ACO2: variants seen among roughly 807,000 people sequenced by gnomAD.
ACO2 encodes the protein aconitase 2, also known as aconitate hydratase, mitochondrial.
Under a neutral mutation model 84.5 loss-of-function variants are expected in ACO2, and 31 were observed. That is an observed-to-expected ratio of 0.37 (90% CI 0.28 to 0.50). The LOEUF (loss-of-function observed/expected upper bound fraction) is 0.50, where lower values mean the gene tolerates loss of function less well. ACO2 is among the 20% of genes least tolerant of loss of function. The probability of loss-of-function intolerance (pLI) is 0.97; values close to 1 mark genes in which losing one functional copy is unlikely to be tolerated. For synonymous variants in ACO2, 414 were observed against 412.7 expected (o/e 1.00, Z -0.04); for missense variants, 685 against 1,029.3 (o/e 0.67, Z 4.58).
intron 12 of ACO2, among the ~76,000 whole-genome samples, chr22:41,524,224 A>T (rs893574267): frequency 2.6e-5 from 4 of 152,148 alleles, no homozygotes; most frequent in Admixed American, 2.0e-4. Context: ...TCGCTGTATG[A>T]GTGTGGCCAA....
At chr22:41,493,401 CTT>C (rs1408389677) in intron 1 of ACO2, among the ~76,000 whole-genome samples, 1 of 152,134 alleles carries the variant, frequency 6.6e-6, no homozygotes, top group Non-Finnish European at 1.5e-5. Context: ...ATGGCCCCCT[CTT>C]TTAACAGTTT....
At chr22:41,496,257 G>T (rs77126454) in intron 1 of ACO2, among the ~76,000 whole-genome samples, 1,766 of 152,168 alleles carry the variant, frequency 0.012, 37 homozygotes, top group African/African-American at 0.041. Context: ...AGAAGTTGCC[G>T]TGAGCTGAGA....
intron 1 of ACO2, among the ~76,000 whole-genome samples, chr22:41,479,476 G>A (rs2038061601): frequency 6.6e-6 from 1 of 152,198 alleles, no homozygotes; most frequent in Admixed American, 6.5e-5. Context: ...CTAGCACATG[G>A]ATGCAGATTT....
intron 12 of ACO2, 42 bp from the exon 13 acceptor site, chr22:41,524,804 G>A (rs1224290896): frequency 6.2e-7 from 1 of 1,613,612 alleles, no homozygotes; most frequent in African/African-American, 1.3e-5. Flanking sequence ...AGACAGGAGT[G>A]GCAATTGGTG....
chr22:41,511,037 G>A (rs1255406245), intron 3 of ACO2, among the ~76,000 whole-genome samples: 1 of 152,170 alleles, frequency 6.6e-6, no homozygotes, highest in Non-Finnish European at 1.5e-5. Flanking sequence ...GCAGGGTCTT[G>A]CCCTGTCACT....
At chr22:41,481,407 C>CT (rs1001282399) in intron 1 of ACO2, among the ~76,000 whole-genome samples, 3 of 152,238 alleles carry the variant, frequency 2.0e-5, no homozygotes, top group African/African-American at 7.2e-5. Flanking sequence ...AGCTCTGTAG[C>CT]TTGCTCTGTA....
chr22:41,484,424 A>G (rs1303391021), intron 1 of ACO2, among the ~76,000 whole-genome samples: 1 of 152,210 alleles, frequency 6.6e-6, no homozygotes, highest in South Asian at 2.1e-4. Context: ...TGGATGGGTA[A>G]TGATGATAGA....
At chr22:41,510,608 C>T (rs987891573) in intron 3 of ACO2, among the ~76,000 whole-genome samples, 2 of 152,192 alleles carry the variant, frequency 1.3e-5, no homozygotes, top group African/African-American at 4.8e-5. Flanking sequence ...CGGAGGCTGG[C>T]AGGTCCCATT....
rs1471657850 is a variant in ACO2 at position 41,515,552 on chromosome 22, A to C, written c.684+17A>C. 1 of 1,599,940 alleles carries C rather than the reference A, an allele frequency of 6.3e-7. No individual in the cohort carries two copies. The highest frequency in any genetic ancestry group is 1.3e-5 in the African/African-American group (1 of 74,300). ...TGCCCCAAGGTGAGGGTGGGGAGGG[A>C]CTCATTCTGGGCTGGCTGTGGGGTG... On this transcript the variant is annotated intron_variant, in intron 5 of 17. Coordinates refer to ENST00000216254, the MANE Select transcript of ACO2 (RefSeq NM_001098.3). The surrounding 1 kb of genome is among the most constrained non-coding windows in gnomAD (Gnocchi z 5.8).
At chr22:41,509,265 G>T (rs1771366684) in intron 3 of ACO2, among the ~76,000 whole-genome samples, 2 of 152,136 alleles carry the variant, frequency 1.3e-5, no homozygotes. Context: ...GAGATGAGAT[G>T]CACACTCATA....
chr22:41,487,058 A>T (rs960118800), intron 1 of ACO2, among the ~76,000 whole-genome samples: 2 of 151,606 alleles, frequency 1.3e-5, no homozygotes, highest in African/African-American at 4.8e-5. Context: ...TAATTTTTGT[A>T]TTTTTGATAG....
chr22:41,500,165 C>G (rs1166284358), intron 2 of ACO2, among the ~76,000 whole-genome samples: 1 of 152,118 alleles, frequency 6.6e-6, no homozygotes, highest in East Asian at 1.9e-4. Context: ...GCTGCTGACC[C>G]TCGGCCTGCC....
At chr22:41,469,897 C>T (rs965727944) in intron 1 of ACO2, among the ~76,000 whole-genome samples, 6 of 152,094 alleles carry the variant, frequency 3.9e-5, no homozygotes, top group Non-Finnish European at 8.8e-5. Context: ...AGAGTGTCAC[C>T]GAAGTGCTGT....
intron 1 of ACO2, among the ~76,000 whole-genome samples, chr22:41,486,039 T>G (rs1202242061): frequency 6.6e-6 from 1 of 152,208 alleles, no homozygotes; most frequent in African/African-American, 2.4e-5. Context: ...CGCTGCTCTC[T>G]CTGTGAAGCC....
At chr22:41,523,013 T>A in intron 10 of ACO2, 26 bp downstream of exon 10, 1 of 1,612,394 alleles carries the variant, frequency 6.2e-7, no homozygotes, top group Non-Finnish European at 8.5e-7. Flanking sequence ...CCCCTGCCCA[T>A]CTCCCCCACC....
intron 1 of ACO2, among the ~76,000 whole-genome samples, chr22:41,474,328 C>G (rs1044105851): frequency 1.4e-5 from 2 of 140,522 alleles, no homozygotes; most frequent in Admixed American, 1.5e-4. Context: ...GGGTCTCGCT[C>G]TGTCACCCAG....
intron 6 of ACO2, 127 bp from the exon 7 acceptor site, chr22:41,517,400 C>T (rs1186479304): frequency 2.6e-6 from 2 of 772,716 alleles, no homozygotes; most frequent in Admixed American, 4.1e-5. Context: ...CCGCTGTCAC[C>T]ACATCTCTCT....
chr22:41,498,444 A>G (rs2066330766), intron 1 of ACO2, among the ~76,000 whole-genome samples: 2 of 152,318 alleles, frequency 1.3e-5, no homozygotes, highest in South Asian at 2.1e-4. Context: ...GTGGGCCAGG[A>G]ATTTGGGAGT....
intron 16 of ACO2, 41 bp from the exon 17 acceptor site, chr22:41,527,860 C>A (rs1386760400): frequency 3.1e-6 from 5 of 1,613,798 alleles, no homozygotes; most frequent in African/African-American, 1.3e-5. Flanking sequence ...GCTCTCCAGG[C>A]TAGTCAGGCC....
Sources: gnomAD v4.1 joint callset for allele counts (sites outside exome capture counted in the v4.1 genomes callset) on GRCh38, gnomAD v4.1.1 for gene constraint, Gnocchi (gnomAD v3.1) non-coding constraint, MANE v1.5 for transcripts, NCBI Gene and HGNC (gene_info 2026-07-23, HGNC 2026-07-21) for gene names.